The following CDH23 variants were observed in gnomAD, a reference collection of about 807,000 sequenced individuals.
CDH23 encodes cadherin related 23.
CDH23 carries 189 observed loss-of-function variants against 317.1 expected under a neutral mutation model. That is an observed-to-expected ratio of 0.60 (90% CI 0.53 to 0.67). The LOEUF is 0.67. Among genes scored for constraint, CDH23 ranks in the 30% least tolerant of loss-of-function variants. The probability of loss-of-function intolerance (pLI) is 0.00; values close to 1 mark genes in which losing one functional copy is unlikely to be tolerated. For missense variants in CDH23, 4,401 were observed against 4,592.4 expected (o/e 0.96, Z 1.20); for synonymous variants, 1,839 against 1,876.8 (o/e 0.98, Z 0.52).
chr10:71,571,977 C>T (rs1000659829), intron 8 of CDH23, among the ~76,000 whole-genome samples: 2 of 152,224 alleles, frequency 1.3e-5, no homozygotes, highest in Non-Finnish European at 2.9e-5. Context: ...CCATGGCTGC[C>T]CTGGCCACTG....
intron 8 of CDH23, 106 bp from the exon 9 acceptor site, chr10:71,577,808 G>A: frequency 2.1e-6 from 2 of 958,670 alleles, no homozygotes; most frequent in Non-Finnish European, 3.2e-6. Flanking sequence ...GGTTGCCCTT[G>A]CAGCCAGGAT....
intron 3 of CDH23, among the ~76,000 whole-genome samples, chr10:71,460,794 C>A (rs548004063): frequency 1.3e-5 from 2 of 152,214 alleles, no homozygotes; most frequent in Non-Finnish European, 2.9e-5. Flanking sequence ...GGAGTTGGGG[C>A]GGTAGTGGCC....
chr10:71,529,143 T>G (rs1855213469), intron 6 of CDH23, among the ~76,000 whole-genome samples: 1 of 152,218 alleles, frequency 6.6e-6, no homozygotes, highest in Non-Finnish European at 1.5e-5. Flanking sequence ...TGGATCCTGA[T>G]TCAGTAGCTC....
chr10:71,691,147 T>C (rs1176014495), intron 20 of CDH23, among the ~76,000 whole-genome samples: 2 of 152,340 alleles, frequency 1.3e-5, no homozygotes, highest in African/African-American at 2.4e-5. Context: ...AGCTCCCAGC[T>C]CAGCCCATGT....
Position 71,538,907 on chromosome 10 carries a change from G to C in CDH23, c.429+27695G>C, listed in dbSNP as rs562787172. On this transcript the variant is annotated intron_variant, in intron 6 of 69. Transcript: ENST00000224721. The stretch of plus-strand genomic sequence containing the variant: ...TGCCAAGTTCTCATGGTTGGTAAAG[G>C]GACAGAATAAGAAATCAGGAGACAT... 2.6e-5 allele frequency among the ~76,000 whole-genome samples: 4 copies of C among 152,302 alleles called. No homozygotes were observed. The South Asian group carries it at 8.3e-4, about 32-fold the overall frequency.
chr10:71,520,668 CCCGGACTG>C (rs1473510010), intron 6 of CDH23, among the ~76,000 whole-genome samples: 1 of 152,234 alleles, frequency 6.6e-6, no homozygotes, highest in Non-Finnish European at 1.5e-5. Flanking sequence ...GAGCAGTAGG[CCCGGACTG>C]CCTTCTTGAT....
intron 17 of CDH23, among the ~76,000 whole-genome samples, chr10:71,681,787 A>T (rs1864664000): frequency 1.3e-5 from 2 of 152,236 alleles, no homozygotes; most frequent in Admixed American, 1.3e-4. Context: ...AAATTTTTTT[A>T]AATGAAAATA....
intron 9 of CDH23, among the ~76,000 whole-genome samples, chr10:71,598,435 C>T (rs923579335): frequency 1.3e-5 from 2 of 152,216 alleles, no homozygotes; most frequent in African/African-American, 2.4e-5. Context: ...CCCTTTGCTC[C>T]GGGCCCTCTC....
At chr10:71,570,131 C>T (rs1415567142) in intron 7 of CDH23, among the ~76,000 whole-genome samples, 1 of 152,068 alleles carries the variant, frequency 6.6e-6, no homozygotes, top group African/African-American at 2.4e-5. Flanking sequence ...CCTGTGTGAC[C>T]TCTCAGGAGT....
At chr10:71,551,173 G>T in intron 6 of CDH23, among the ~76,000 whole-genome samples, 1 of 152,230 alleles carries the variant, frequency 6.6e-6, no homozygotes, top group East Asian at 1.9e-4. Context: ...ATTAATTAAC[G>T]TACCATTAAA....
At chr10:71,503,039 T>G (rs561592829) in intron 3 of CDH23, among the ~76,000 whole-genome samples, 1 of 152,176 alleles carries the variant, frequency 6.6e-6, no homozygotes, top group Admixed American at 6.5e-5. Context: ...GTAATAACAG[T>G]CATCTCAGCG....
At chr10:71,619,939 T>A (rs1460685140) in intron 11 of CDH23, among the ~76,000 whole-genome samples, 1 of 152,212 alleles carries the variant, frequency 6.6e-6, no homozygotes, top group Non-Finnish European at 1.5e-5. Flanking sequence ...ACTTTGTTCA[T>A]TTGTTTAAAA....
intron 14 of CDH23, among the ~76,000 whole-genome samples, chr10:71,666,661 C>T (rs1387036978): frequency 6.6e-6 from 1 of 152,156 alleles, no homozygotes; most frequent in African/African-American, 2.4e-5. Context: ...TTCTACCTCA[C>T]ACGCCAGAGA....
intron 48 of CDH23, among the ~76,000 whole-genome samples, 187 bp downstream of exon 48, chr10:71,793,827 C>G (rs889953512): frequency 6.6e-6 from 1 of 152,172 alleles, no homozygotes; most frequent in Non-Finnish European, 1.5e-5. Flanking sequence ...CTTTCTTTCT[C>G]TGCTTCCTCA....
chr10:71,425,371 A>AGAAGGAAGGAAAGAAG (rs1849022092), intron 1 of CDH23, among the ~76,000 whole-genome samples: 1 of 82,418 alleles, frequency 1.2e-5, no homozygotes, highest in Non-Finnish European at 2.5e-5. Flanking sequence ...AAGAGAGAGG[A>AGAAGGAAGGAAAGAAG]GAAGGAAGGA....
At chr10:71,403,408 T>C (rs571530886) in intron 1 of CDH23, among the ~76,000 whole-genome samples, 2 of 57,066 alleles carry the variant, frequency 3.5e-5, no homozygotes, top group Admixed American at 2.0e-4. Flanking sequence ...TCTTTCTTTC[T>C]CTTCCTTCCT....
chr10:71,715,470 A>G (rs1405252087), intron 28 of CDH23: 2 of 153,328 alleles, frequency 1.3e-5, no homozygotes, highest in Non-Finnish European at 2.9e-5. Context: ...GCACTGGGCC[A>G]GCACAGATGC....
chr10:71,697,421 C>G (rs1243763796), intron 22 of CDH23, among the ~76,000 whole-genome samples: 1 of 152,226 alleles, frequency 6.6e-6, no homozygotes, highest in African/African-American at 2.4e-5. Flanking sequence ...GTAATCTCAG[C>G]ACTTTGGGAG....
intron 38 of CDH23, among the ~76,000 whole-genome samples, chr10:71,769,978 C>A (rs907151355): frequency 6.6e-6 from 1 of 152,176 alleles, no homozygotes; most frequent in South Asian, 2.1e-4. Flanking sequence ...AAGAAGAGAA[C>A]CTGTAGGCAC....
Sources: gnomAD v4.1 joint callset for allele counts (sites outside exome capture counted in the v4.1 genomes callset) on GRCh38, gnomAD v4.1.1 for gene constraint, MANE v1.5 for transcripts, NCBI Gene and HGNC (gene_info 2026-07-23, HGNC 2026-07-21) for gene names.